PRDM5: variants seen among roughly 807,000 people sequenced by gnomAD.
The protein encoded by PRDM5 is PR domain zinc finger protein 5.
A neutral mutation model predicts 81.2 loss-of-function variants in PRDM5; 56 were observed. The ratio of observed to expected loss-of-function variants is 0.69; its 90% confidence interval spans 0.56 to 0.86. The LOEUF is 0.86. Ranked by LOEUF, PRDM5 falls within the 40% of genes least tolerant of loss-of-function variation. The pLI, the probability that PRDM5 is intolerant of heterozygous loss-of-function variation, is 0.00. For synonymous variants in PRDM5, 267 were observed against 256.4 expected (o/e 1.04, Z -0.39); for missense variants, 697 against 770.1 (o/e 0.91, Z 1.12).
intron 14 of PRDM5, among the ~76,000 whole-genome samples, chr4:120,750,655 T>G (rs1578588658): frequency 1.3e-5 from 2 of 151,640 alleles, no homozygotes; most frequent in Admixed American, 1.3e-4. Flanking sequence ...GTATTTACTT[T>G]AGTCTCCTAG....
chr4:120,740,505 C>A (rs1741763548), intron 14 of PRDM5, among the ~76,000 whole-genome samples: 2 of 152,164 alleles, frequency 1.3e-5, no homozygotes, highest in Non-Finnish European at 2.9e-5. Context: ...TGGAAAATCA[C>A]AATATCCCAA....
chr4:120,789,068 C>T (rs1003181770), intron 10 of PRDM5, among the ~76,000 whole-genome samples: 3 of 152,104 alleles, frequency 2.0e-5, no homozygotes, highest in Non-Finnish European at 2.9e-5. Context: ...TCAAATGATC[C>T]TTAATAACCC....
At chr4:120,740,739 G>C (rs1741802711) in intron 14 of PRDM5, among the ~76,000 whole-genome samples, 1 of 152,140 alleles carries the variant, frequency 6.6e-6, no homozygotes, top group African/African-American at 2.4e-5. Flanking sequence ...TGACTCAAGT[G>C]CTACTTCCTT....
At chr4:120,761,149 G>A (rs557771394) in intron 13 of PRDM5, among the ~76,000 whole-genome samples, 6 of 152,256 alleles carry the variant, frequency 3.9e-5, no homozygotes, top group Middle Eastern at 3.4e-3. Context: ...TGGAACACCC[G>A]AGATGGAAGT....
At chr4:120,816,623 C>T (rs1754551994) in intron 6 of PRDM5, 49 bp from the exon 7 acceptor site, 1 of 1,612,194 alleles carries the variant, frequency 6.2e-7, no homozygotes, top group South Asian at 1.1e-5. Flanking sequence ...TGAAGACATA[C>T]CTACAAAACT....
At chr4:120,743,327 G>T (rs1742399631) in intron 14 of PRDM5, among the ~76,000 whole-genome samples, 1 of 151,916 alleles carries the variant, frequency 6.6e-6, no homozygotes. Flanking sequence ...GCAAAATCAT[G>T]CCAAAATGTA....
intron 11 of PRDM5, among the ~76,000 whole-genome samples, chr4:120,783,321 G>A (rs534084725): frequency 2.6e-5 from 4 of 152,000 alleles, no homozygotes; most frequent in African/African-American, 9.6e-5. Context: ...CAAATGTCAC[G>A]ATGCATCTTC....
At chr4:120,839,751 C>A (rs1423958760) in intron 3 of PRDM5, among the ~76,000 whole-genome samples, 1 of 152,184 alleles carries the variant, frequency 6.6e-6, no homozygotes, top group Non-Finnish European at 1.5e-5. Context: ...CCTCCTGCCA[C>A]CCTCCATGGA....
At chr4:120,920,641 T>C (rs1278922781) in intron 1 of PRDM5, among the ~76,000 whole-genome samples, 1 of 152,250 alleles carries the variant, frequency 6.6e-6, no homozygotes, top group Non-Finnish European at 1.5e-5. Flanking sequence ...AGGTCATTTC[T>C]GAGATCAACA....
intron 1 of PRDM5, 142 bp downstream of exon 1, chr4:120,922,374 T>TTCCCACGGACGCCTGGCCCGGCCC: frequency 1.8e-6 from 2 of 1,100,144 alleles, no homozygotes. Flanking sequence ...GTCCCCGGCC[T>TTCCCACGGACGCCTGGCCCGGCCC]TCCCACGGAC....
rs1252414287 is a variant in PRDM5 at position 120,853,556 on chromosome 4, C to A, written c.178-16G>T. Reference sequence around the variant, plus strand: ...TCCCACGAACCTGAAACATTAAAGGCTCCTGAGTTTACAATGGAAGTCAGA... The same window carrying A: ...TCCCACGAACCTGAAACATTAAAGGATCCTGAGTTTACAATGGAAGTCAGA... On this transcript the variant is annotated splice_polypyrimidine_tract_variant and intron_variant, in intron 2 of 15. Coordinates refer to ENST00000264808, the MANE Select transcript of PRDM5 (RefSeq NM_018699.4). 1.9e-6 allele frequency: 3 copies of A among 1,613,478 alleles called. No individual in the cohort carries two copies. Among genetic ancestry groups the A allele is most frequent in the South Asian group, 2.2e-5 (2 of 91,074 alleles).
intron 13 of PRDM5, among the ~76,000 whole-genome samples, chr4:120,767,679 G>A (rs1477693119): frequency 6.6e-6 from 1 of 152,108 alleles, no homozygotes; most frequent in African/African-American, 2.4e-5. Context: ...GTATGTTACT[G>A]CCCACTATAA....
At chr4:120,752,697 CA>C (rs1433887441) in intron 14 of PRDM5, among the ~76,000 whole-genome samples, 2 of 151,862 alleles carry the variant, frequency 1.3e-5, no homozygotes, top group African/African-American at 2.4e-5. Flanking sequence ...AAATAATAGG[CA>C]AAAAAATGCA....
At chr4:120,701,776 C>A (rs7672006) in intron 15 of PRDM5, among the ~76,000 whole-genome samples, 2,146 of 152,036 alleles carry the variant, frequency 0.014, 49 homozygotes, top group African/African-American at 0.048. Flanking sequence ...ATGCAATATA[C>A]CCATGTACAA....
chr4:120,829,580 T>A (rs1756465835), intron 3 of PRDM5, among the ~76,000 whole-genome samples: 2 of 152,076 alleles, frequency 1.3e-5, no homozygotes, highest in Non-Finnish European at 2.9e-5. Context: ...TAAATATAAC[T>A]CCAGGAGAGG....
intron 11 of PRDM5, 73 bp downstream of exon 11, chr4:120,784,925 A>T (rs1469526173): frequency 1.7e-6 from 2 of 1,193,170 alleles, no homozygotes; most frequent in Non-Finnish European, 2.5e-6. Context: ...TGGGATGTCT[A>T]CATTCTCAAA....
chr4:120,707,230 T>C (rs1736306864), intron 15 of PRDM5, among the ~76,000 whole-genome samples: 1 of 151,684 alleles, frequency 6.6e-6, no homozygotes, highest in South Asian at 2.1e-4. Context: ...GGGTTCTAAA[T>C]CATGACCAAT....
chr4:120,921,312 C>A (rs1477991437), intron 1 of PRDM5, among the ~76,000 whole-genome samples: 2 of 152,180 alleles, frequency 1.3e-5, no homozygotes, highest in Admixed American at 1.3e-4. Flanking sequence ...ATTCAATACA[C>A]CTCTAATTCA....
Position 120,874,115 on chromosome 4 carries a change from A to G in PRDM5, c.178-20575T>C, listed in dbSNP as rs192797141. On this transcript the variant is annotated intron_variant, in intron 2 of 15. Transcript: ENST00000264808. ...CTGATATTTGTGTTTAGAATATTCA[A>G]AATGCGCCCTTCTAGCTATTTGAAA... 7.3e-4 allele frequency among the ~76,000 whole-genome samples: 111 copies of G among 152,298 alleles called. 2 individuals are homozygous for G. Among genetic ancestry groups the G allele is most frequent in the African/African-American group, 2.6e-3 (108 of 41,572 alleles).
Sources: gnomAD v4.1 joint callset for allele counts (sites outside exome capture counted in the v4.1 genomes callset) on GRCh38, gnomAD v4.1.1 for gene constraint, MANE v1.5 for transcripts, NCBI Gene and HGNC (gene_info 2026-07-23, HGNC 2026-07-21) for gene names.